The following TFB1M variants were observed in gnomAD, a reference collection of about 807,000 sequenced individuals.
TFB1M encodes the protein transcription factor B1, mitochondrial, also known as dimethyladenosine transferase 1, mitochondrial.
Under a neutral mutation model 31.1 loss-of-function variants are expected in TFB1M, and 27 were observed. The observed-to-expected ratio is 0.87, with a 90% CI of 0.64 to 1.20. The LOEUF is 1.20. TFB1M is among the 50% of genes most tolerant of loss of function. The pLI is 0.00. For missense variants in TFB1M, 394 were observed against 418.7 expected, an observed-to-expected ratio of 0.94 and a Z score of 0.51; for synonymous variants, 166 against 151.8, an observed-to-expected ratio of 1.09 and a Z score of -0.69.
intron 2 of TFB1M, among the ~76,000 whole-genome samples, chr6:155,304,286 AAAAC>A (rs1777565569): frequency 6.6e-6 from 1 of 152,152 alleles, no homozygotes. Context: ...CTTGTCTCAA[AAAAC>A]AAACAAACAA....
chr6:155,249,370 C>A, the TFB1M span, among the ~76,000 whole-genome samples: 1 of 152,218 alleles, frequency 6.6e-6, no homozygotes, highest in African/African-American at 2.4e-5. Flanking sequence ...GCAAGCCAAA[C>A]TCGAGAGCTG....
intron 3 of TFB1M, 22 bp downstream of exon 3, chr6:155,298,455 A>T (rs1231267580): frequency 8.1e-7 from 1 of 1,227,646 alleles, no homozygotes. Flanking sequence ...GAAATGTTTT[A>T]TAACTACCCA....
At chr6:155,272,908 G>C (rs1378946495) in intron 5 of TFB1M, among the ~76,000 whole-genome samples, 1 of 152,068 alleles carries the variant, frequency 6.6e-6, no homozygotes, top group African/African-American at 2.4e-5. Flanking sequence ...TCAGTTAATG[G>C]GAAGAAAAGG....
At chr6:155,246,824 G>C in the TFB1M span, among the ~76,000 whole-genome samples, 1,151 of 152,324 alleles carry the variant, frequency 7.6e-3, 16 homozygotes, top group African/African-American at 0.026. Context: ...AAATGGTATT[G>C]CATCTCCTAG....
At chr6:155,237,407 A>G in the TFB1M span, among the ~76,000 whole-genome samples, 1 of 152,188 alleles carries the variant, frequency 6.6e-6, no homozygotes, top group Non-Finnish European at 1.5e-5. Context: ...CACAGGGTGC[A>G]AGATGTCAGT....
chr6:155,275,521 G>A, intron 5 of TFB1M: 2 of 562,458 alleles, frequency 3.6e-6, no homozygotes, highest in South Asian at 4.6e-5. Context: ...GGAGAAGGGG[G>A]ATACTCAGAT....
chr6:155,306,954 T>G (rs184704073), intron 2 of TFB1M, among the ~76,000 whole-genome samples: 1 of 152,180 alleles, frequency 6.6e-6, no homozygotes, highest in East Asian at 1.9e-4. Context: ...ATCCCATTTC[T>G]ACAAAAAAAT....
In TFB1M at chr6:155,257,476, G is replaced by GGCATTTTCTTTCAGCTGTTT. The variant is rs1177230404; in HGVS notation, c.*340_*359dup. 136 of 325,776 alleles carry GGCATTTTCTTTCAGCTGTTT rather than the reference G, an allele frequency of 4.2e-4. 1 individual carries two copies. Among genetic ancestry groups the GGCATTTTCTTTCAGCTGTTT allele is most frequent in the Non-Finnish European group, 9.6e-5 (17 of 177,948 alleles). 20.2% of individuals were successfully genotyped at this position (325,776 alleles called of 1,614,324 possible). A position where few individuals can be genotyped will look rare whatever the true frequency, so the allele number is the denominator to read the frequency against. On this transcript the variant is annotated 3_prime_UTR_variant, in exon 7 of 7. Transcript: ENST00000367166. ...AAGGGCCATTTTTTAAAATCCTCTG[G>GGCATTTTCTTTCAGCTGTTT]GCATTTTCTTTCAGCTGTTTGTTAG... is the stretch of plus-strand genomic sequence containing the variant.
chr6:155,276,498 T>C, intron 5 of TFB1M: 1 of 912,594 alleles, frequency 1.1e-6, no homozygotes, highest in South Asian at 1.8e-5. Flanking sequence ...TAAAATACTT[T>C]AACAACTACA....
chr6:155,240,738 C>G, the TFB1M span: 10 of 1,589,568 alleles, frequency 6.3e-6, no homozygotes, highest in Non-Finnish European at 8.6e-6. Context: ...TTTATGCATT[C>G]GTGCCTCTTT....
intron 5 of TFB1M, among the ~76,000 whole-genome samples, chr6:155,266,102 T>C (rs899766025): frequency 6.6e-6 from 1 of 152,138 alleles, no homozygotes; most frequent in Non-Finnish European, 1.5e-5. Flanking sequence ...TTAATCTCCT[T>C]TGACAACACC....
chr6:155,244,976 C>A, the TFB1M span: 8 of 636,596 alleles, frequency 1.3e-5, no homozygotes, highest in Admixed American at 3.9e-5. Flanking sequence ...TTTTTCCTGG[C>A]GCAGGTGCTT....
chr6:155,242,198 C>T, the TFB1M span, among the ~76,000 whole-genome samples: 30 of 152,354 alleles, frequency 2.0e-4, no homozygotes, highest in African/African-American at 6.7e-4. Context: ...TCCAGGAAGT[C>T]CTCCCAGGCA....
intron 4 of TFB1M, among the ~76,000 whole-genome samples, chr6:155,291,494 G>C (rs1583356395): frequency 6.6e-6 from 1 of 152,282 alleles, no homozygotes; most frequent in South Asian, 2.1e-4. Flanking sequence ...TCATCTCAGG[G>C]TTCCTAACAA....
chr6:155,233,803 A>G, the TFB1M span, among the ~76,000 whole-genome samples: 5 of 152,050 alleles, frequency 3.3e-5, no homozygotes, highest in African/African-American at 1.2e-4. Flanking sequence ...CTCTACTAAA[A>G]ATCAAAAGAA....
At chr6:155,289,383 T>C (rs1012641911) in intron 4 of TFB1M, among the ~76,000 whole-genome samples, 2 of 152,214 alleles carry the variant, frequency 1.3e-5, no homozygotes, top group African/African-American at 4.8e-5. Context: ...AACTACTCCA[T>C]GACCTTCTGG....
rs147807754 is a variant in TFB1M, at chr6:155,306,269, G to A, written c.285+4919C>T. 8.1e-4 allele frequency among the ~76,000 whole-genome samples: 123 copies of A among 152,224 alleles called. 1 individual carries two copies. Among genetic ancestry groups the A allele is most frequent in the African/African-American group, 2.9e-3 (119 of 41,534 alleles). ...GCTGGTGGGAATGTAATATGGCACA[G>A]TCATCTTATAAAACAATTTGGTATT... is the stretch of plus-strand genomic sequence containing the variant. On this transcript the variant is annotated intron_variant, in intron 2 of 6. Coordinates refer to ENST00000367166, the MANE Select transcript of TFB1M (RefSeq NM_016020.4).
intron 4 of TFB1M, among the ~76,000 whole-genome samples, chr6:155,291,510 C>T (rs113070063): frequency 6.6e-6 from 1 of 152,138 alleles, no homozygotes; most frequent in Non-Finnish European, 1.5e-5. Flanking sequence ...AACAAACATG[C>T]AACGGTCCTA....
intron 2 of TFB1M, among the ~76,000 whole-genome samples, chr6:155,306,395 T>A (rs987608813): frequency 2.0e-5 from 3 of 152,184 alleles, no homozygotes; most frequent in Non-Finnish European, 4.4e-5. Context: ...AATGGAAGTG[T>A]GTATCCACAC....
Sources: allele counts gnomAD v4.1 joint callset (sites outside exome capture counted in the v4.1 genomes callset), GRCh38; gene constraint gnomAD v4.1.1; transcripts MANE v1.5; gene names NCBI Gene and HGNC (gene_info 2026-07-23, HGNC 2026-07-21).